The following MED13L variants were observed in gnomAD, a reference collection of about 807,000 sequenced individuals.
The protein encoded by MED13L is mediator of RNA polymerase II transcription subunit 13-like.
A neutral mutation model predicts 220.9 loss-of-function variants in MED13L; 7 were observed. The observed-to-expected ratio is 0.03, with a 90% CI of 0.02 to 0.06. The LOEUF (loss-of-function observed/expected upper bound fraction) is 0.06. Among genes scored for constraint, MED13L ranks in the 10% least tolerant of loss-of-function variants. The probability of loss-of-function intolerance (pLI) is 1.00; values close to 1 mark genes in which losing one functional copy is unlikely to be tolerated. For missense variants in MED13L, 1,965 were observed against 2,760.5 expected (o/e 0.71, Z 6.46); for synonymous variants, 1,011 against 1,015.2 (o/e 1.00, Z 0.08).
At chr12:116,228,184 T>C (rs532730632) in intron 2 of MED13L, among the ~76,000 whole-genome samples, 2 of 152,278 alleles carry the variant, frequency 1.3e-5, no homozygotes, top group South Asian at 4.1e-4. Context: ...TCATGAAGAT[T>C]AGGGAAAGAT....
At chr12:116,080,720 T>C (rs1871178835) in intron 4 of MED13L, among the ~76,000 whole-genome samples, 1 of 152,226 alleles carries the variant, frequency 6.6e-6, no homozygotes, top group African/African-American at 2.4e-5. Context: ...ACAGTAGTGA[T>C]TTCCAGCCTG....
intron 2 of MED13L, among the ~76,000 whole-genome samples, chr12:116,190,314 T>C (rs1426867250): frequency 6.6e-6 from 1 of 152,236 alleles, no homozygotes; most frequent in African/African-American, 2.4e-5. Context: ...AATGGATTAT[T>C]GTGTTTGATG....
chr12:116,194,719 T>C (rs1881508570), intron 2 of MED13L, among the ~76,000 whole-genome samples: 1 of 152,166 alleles, frequency 6.6e-6, no homozygotes, highest in Non-Finnish European at 1.5e-5. Context: ...AAAAATAAAA[T>C]ATGACTGAAA....
chr12:115,971,189 A>C (rs1417644245), intron 26 of MED13L, among the ~76,000 whole-genome samples: 1 of 152,230 alleles, frequency 6.6e-6, no homozygotes, highest in Non-Finnish European at 1.5e-5. Flanking sequence ...ACATGCCAGC[A>C]TTTGTGCTAA....
chr12:116,060,595 A>C (rs969743679), intron 4 of MED13L, among the ~76,000 whole-genome samples: 6 of 151,940 alleles, frequency 3.9e-5, no homozygotes, highest in East Asian at 1.9e-4. Context: ...AAAAAAAAAA[A>C]CTAAAAATTT....
intron 1 of MED13L, among the ~76,000 whole-genome samples, chr12:116,271,164 G>A (rs1392594438): frequency 1.3e-5 from 2 of 151,236 alleles, no homozygotes; most frequent in Non-Finnish European, 2.9e-5. Flanking sequence ...ATACTGATTC[G>A]CTAATTCTGA....
intron 2 of MED13L, among the ~76,000 whole-genome samples, chr12:116,223,759 T>A (rs962632437): frequency 6.6e-6 from 1 of 152,096 alleles, no homozygotes; most frequent in Non-Finnish European, 1.5e-5. Flanking sequence ...TATATCACTG[T>A]TTTTTCAAAA....
intron 4 of MED13L, among the ~76,000 whole-genome samples, chr12:116,071,746 T>C (rs1426500242): frequency 6.6e-6 from 1 of 152,226 alleles, no homozygotes; most frequent in Non-Finnish European, 1.5e-5. Flanking sequence ...ACATTACATA[T>C]GTATATGCAC....
chr12:116,169,827 T>C (rs1215331770), intron 2 of MED13L, among the ~76,000 whole-genome samples: 3 of 152,104 alleles, frequency 2.0e-5, no homozygotes, highest in Non-Finnish European at 2.9e-5. Flanking sequence ...CTGGGCAACA[T>C]AAGGCGACTC....
Position 116,208,783 on chromosome 12 carries a change from T to C in MED13L, c.310+28685A>G, listed in dbSNP as rs574803135. 4.1e-4 allele frequency among the ~76,000 whole-genome samples: 62 copies of C among 152,262 alleles called. 1 individual carries two copies. The highest frequency in any genetic ancestry group is 6.8e-3 in the Middle Eastern group (2 of 294). Reference sequence around the variant, plus strand: ...GAGTTCAAAACCAGCCTTGGCAACATAGCAAGATCCTGTCCCTACCAAAAA... The same window carrying C: ...GAGTTCAAAACCAGCCTTGGCAACACAGCAAGATCCTGTCCCTACCAAAAA... On this transcript the variant is annotated intron_variant, in intron 2 of 30. Transcript: ENST00000281928.
rs1879772234 is a variant in MED13L at position 116,017,111 on chromosome 12, G to C, written c.1010-1837C>G. On this transcript the variant is annotated intron_variant, in intron 7 of 30. Coordinates refer to ENST00000281928, the MANE Select transcript of MED13L (RefSeq NM_015335.5). Reference sequence around the variant, plus strand: ...ATATCGGCAGCTTTTGTTCAGTTGTGTGTGTTTGTTTTAAGGAATAAGGCG... The same window carrying C: ...ATATCGGCAGCTTTTGTTCAGTTGTCTGTGTTTGTTTTAAGGAATAAGGCG... Among the ~76,000 whole-genome samples the C allele has an allele frequency of 2.0e-5, 3 of 152,272 alleles. No individual in the cohort carries two copies. In the South Asian group the frequency reaches 6.2e-4, roughly 32 times the overall value.
chr12:116,044,262 T>C (rs1881702567), intron 4 of MED13L, among the ~76,000 whole-genome samples: 1 of 147,638 alleles, frequency 6.8e-6, no homozygotes, highest in South Asian at 2.2e-4. Flanking sequence ...AGTAAGTGTT[T>C]TCAAAAAAAT....
At chr12:116,099,311 T>C (rs1447025248) in intron 3 of MED13L, among the ~76,000 whole-genome samples, 1 of 152,230 alleles carries the variant, frequency 6.6e-6, no homozygotes, top group East Asian at 1.9e-4. Flanking sequence ...TACAGTCTAT[T>C]TAACGTGATA....
intron 4 of MED13L, among the ~76,000 whole-genome samples, chr12:116,083,475 G>A (rs138527250): frequency 1.4e-5 from 2 of 147,674 alleles, no homozygotes; most frequent in African/African-American, 2.5e-5. Flanking sequence ...GTTTAGAAAC[G>A]AAAAGCACAG....
chr12:116,215,837 C>T (rs959219295), intron 2 of MED13L, among the ~76,000 whole-genome samples: 1 of 152,096 alleles, frequency 6.6e-6, no homozygotes, highest in African/African-American at 2.4e-5. Flanking sequence ...CTCTCCTTAC[C>T]ATCAATGTCC....
chr12:115,970,622 G>A lies in MED13L; in HGVS notation c.6039C>T (p.Pro2013=). The change falls in exon 27 of 31, where the codon CCC becomes CCT. Residue 2013 remains proline, a synonymous_variant. Transcript: ENST00000281928. ...TGTTGGGGCTAAACCCATCTTCATT[G>A]GGGTAGTTGGCTGGAGCCACCTGGA... ...STIQVAPANY[P]NEDGFSPNND... is the part of the protein sequence containing the mutation. 5 of 1,613,924 alleles carry A rather than the reference G, an allele frequency of 3.1e-6. No homozygotes were observed. Among genetic ancestry groups the A allele is most frequent in the Non-Finnish European group, 4.2e-6 (5 of 1,179,848 alleles).
chr12:116,209,585 C>T (rs1882567449), intron 2 of MED13L, among the ~76,000 whole-genome samples: 2 of 152,166 alleles, frequency 1.3e-5, no homozygotes, highest in South Asian at 4.1e-4. Flanking sequence ...ACTCAGTTTA[C>T]ATATTCTAAC....
intron 4 of MED13L, among the ~76,000 whole-genome samples, chr12:116,096,223 C>T (rs1263959793): frequency 6.6e-6 from 1 of 151,272 alleles, no homozygotes; most frequent in African/African-American, 2.4e-5. Context: ...GGTGTGGTGG[C>T]ATACACCTGT....
At chr12:115,990,911 C>T (rs1279460867) in intron 17 of MED13L, 109 bp downstream of exon 17, 1 of 1,204,282 alleles carries the variant, frequency 8.3e-7, no homozygotes, top group African/African-American at 1.5e-5. Context: ...TTTTTTTCCC[C>T]CGAAAGACAT....
Sources: allele counts gnomAD v4.1 joint callset (sites outside exome capture counted in the v4.1 genomes callset), GRCh38; gene constraint gnomAD v4.1.1; transcripts MANE v1.5; gene names NCBI Gene and HGNC (gene_info 2026-07-23, HGNC 2026-07-21).